Variants in GPC5 observed in about 807,000 individuals in gnomAD.
GPC5 encodes the protein glypican 5, also known as glypican-5.
Under a neutral mutation model 53.9 loss-of-function variants are expected in GPC5, and 47 were observed. That is an observed-to-expected ratio of 0.87 (90% CI 0.69 to 1.11). GPC5 has a LOEUF of 1.11. Among genes scored for constraint, GPC5 ranks in the 50% most tolerant of loss-of-function variants. GPC5 has a pLI of 0.00. For missense variants in GPC5, 748 were observed against 713.1 expected (o/e 1.05, Z -0.56); for synonymous variants, 286 against 263.3 (o/e 1.09, Z -0.84).
intron 6 of GPC5, among the ~76,000 whole-genome samples, chr13:91,926,016 GA>G (rs539503746): frequency 2.6e-4 from 39 of 152,172 alleles, no homozygotes; most frequent in African/African-American, 7.5e-4. Context: ...AATATTGAAC[GA>G]TGGCACCTTG....
chr13:92,400,745 G>T (rs1875519452), intron 7 of GPC5, among the ~76,000 whole-genome samples: 1 of 152,160 alleles, frequency 6.6e-6, no homozygotes, highest in South Asian at 2.1e-4. Flanking sequence ...TAAGGGTTCA[G>T]AAATATCTTT....
At chr13:92,633,936 A>G (rs1159809810) in intron 7 of GPC5, among the ~76,000 whole-genome samples, 2 of 152,116 alleles carry the variant, frequency 1.3e-5, no homozygotes, top group East Asian at 1.9e-4. Context: ...ATGTGTAGTT[A>G]TTATGTTAAG....
chr13:92,299,098 G>T (rs1053467235), intron 7 of GPC5, among the ~76,000 whole-genome samples: 16 of 152,128 alleles, frequency 1.1e-4, no homozygotes, highest in African/African-American at 3.9e-4. Flanking sequence ...TTATGGAATT[G>T]TAAAGAGTGC....
At chr13:91,589,519 C>G (rs1376055359) in intron 2 of GPC5, among the ~76,000 whole-genome samples, 3 of 152,098 alleles carry the variant, frequency 2.0e-5, no homozygotes, top group African/African-American at 7.2e-5. Context: ...TTGCAATGAT[C>G]TCTAAATGAC....
At chr13:91,676,541 G>A (rs746380843) in intron 2 of GPC5, among the ~76,000 whole-genome samples, 4 of 152,204 alleles carry the variant, frequency 2.6e-5, no homozygotes, top group Non-Finnish European at 4.4e-5. Context: ...AGTTTAGCTA[G>A]AGGAAATTGT....
intron 2 of GPC5, among the ~76,000 whole-genome samples, chr13:91,513,388 G>A (rs1486285451): frequency 6.6e-6 from 1 of 151,204 alleles, no homozygotes; most frequent in African/African-American, 2.4e-5. Flanking sequence ...GTATTTAGTT[G>A]TGTGCAATTT....
At chr13:92,265,267 A>G (rs2042795421) in intron 7 of GPC5, among the ~76,000 whole-genome samples, 1 of 152,092 alleles carries the variant, frequency 6.6e-6, no homozygotes, top group Admixed American at 6.5e-5. Flanking sequence ...TCCATCTTTA[A>G]ATTCTCACCT....
chr13:92,214,139 T>C (rs1028371040), intron 7 of GPC5, among the ~76,000 whole-genome samples: 2 of 152,214 alleles, frequency 1.3e-5, no homozygotes, highest in Admixed American at 1.3e-4. Flanking sequence ...AGCTGTTTTC[T>C]ATCATAGCAA....
intron 2 of GPC5, among the ~76,000 whole-genome samples, chr13:91,549,123 G>T (rs1008559785): frequency 2.0e-5 from 3 of 152,056 alleles, no homozygotes; most frequent in Admixed American, 6.6e-5. Flanking sequence ...AGAAAAATTG[G>T]CTGGGTATGG....
At chr13:92,814,665 A>AAAAAAAT (rs1358731415) in intron 7 of GPC5, among the ~76,000 whole-genome samples, 3 of 151,604 alleles carry the variant, frequency 2.0e-5, no homozygotes, top group East Asian at 1.9e-4. Context: ...TGTCTCAAAA[A>AAAAAAAT]AAAAAATAAA....
rs535727493 is a variant in GPC5 at position 91,964,049 on chromosome 13, C to T, written c.1401+55992C>T. 2.0e-5 allele frequency among the ~76,000 whole-genome samples: 3 copies of T among 152,238 alleles called. No individual in the cohort carries two copies. In the South Asian group the frequency reaches 6.2e-4, roughly 32 times the overall value. On this transcript the variant is annotated intron_variant, in intron 6 of 7. Coordinates refer to ENST00000377067, the MANE Select transcript of GPC5 (RefSeq NM_004466.6). ...CCGACTTCAAGAATGAAGCCATGGA[C>T]TCTCGCGGTGTTACAGTTCTTAAAG...
At chr13:91,925,992 G>T (rs1415337702) in intron 6 of GPC5, among the ~76,000 whole-genome samples, 1 of 152,112 alleles carries the variant, frequency 6.6e-6, no homozygotes. Flanking sequence ...TAGATGTGAT[G>T]ACTGAATAAC....
At chr13:91,479,100 A>G (rs1883167555) in intron 2 of GPC5, among the ~76,000 whole-genome samples, 1 of 151,000 alleles carries the variant, frequency 6.6e-6, no homozygotes, top group African/African-American at 2.4e-5. Context: ...TTTAGTAGAG[A>G]TGGGGTTTCA....
intron 7 of GPC5, among the ~76,000 whole-genome samples, chr13:92,232,710 C>T (rs1200847193): frequency 6.6e-6 from 1 of 152,194 alleles, no homozygotes; most frequent in Non-Finnish European, 1.5e-5. Flanking sequence ...ACTTTGGTGA[C>T]TGTAAAAATA....
Position 91,939,703 on chromosome 13 carries a change from G to T in GPC5, c.1401+31646G>T, listed in dbSNP as rs565372065. 4.6e-5 allele frequency among the ~76,000 whole-genome samples: 7 copies of T among 152,240 alleles called. No individual in the cohort carries two copies. The East Asian group carries it at 9.7e-4, about 21-fold the overall frequency. Reference sequence around the variant, plus strand: ...ACAGTAAGTGAAGTTGGAGAAGAAAGCCTCTTTAGATGACTTCAGAAGATT... The same window carrying T: ...ACAGTAAGTGAAGTTGGAGAAGAAATCCTCTTTAGATGACTTCAGAAGATT... On this transcript the variant is annotated intron_variant, in intron 6 of 7. Transcript: ENST00000377067.
At chr13:91,935,368 C>T (rs566707770) in intron 6 of GPC5, among the ~76,000 whole-genome samples, 89 of 152,000 alleles carry the variant, frequency 5.9e-4, no homozygotes, top group African/African-American at 2.0e-3. Flanking sequence ...GACTGCAGAG[C>T]CCTCATAATT....
chr13:91,575,819 T>C (rs547178430), intron 2 of GPC5, among the ~76,000 whole-genome samples: 50 of 152,188 alleles, frequency 3.3e-4, no homozygotes, highest in Non-Finnish European at 6.3e-4. Flanking sequence ...TACTTATAAG[T>C]AACCATACAT....
At chr13:91,463,417 C>G (rs915515420) in intron 2 of GPC5, among the ~76,000 whole-genome samples, 4 of 152,182 alleles carry the variant, frequency 2.6e-5, no homozygotes, top group East Asian at 3.9e-4. Context: ...TATAAAGATA[C>G]ACGTCCAAGC....
At chr13:91,977,986 A>G (rs1275109647) in intron 6 of GPC5, among the ~76,000 whole-genome samples, 1 of 147,326 alleles carries the variant, frequency 6.8e-6, no homozygotes, top group African/African-American at 2.6e-5. Flanking sequence ...AAAGAAAGAA[A>G]AGAAAAAAAA....
Sources: allele counts gnomAD v4.1 joint callset (sites outside exome capture counted in the v4.1 genomes callset), GRCh38; gene constraint gnomAD v4.1.1; transcripts MANE v1.5; gene names NCBI Gene and HGNC (gene_info 2026-07-23, HGNC 2026-07-21).